GPAM: variants seen among roughly 807,000 people sequenced by gnomAD.
The protein encoded by GPAM is glycerol-3-phosphate acyltransferase, mitochondrial.
A neutral mutation model predicts 105.0 loss-of-function variants in GPAM; 56 were observed. The ratio of observed to expected loss-of-function variants is 0.53; its 90% CI spans 0.43 to 0.67. The LOEUF (loss-of-function observed/expected upper bound fraction) is 0.67. GPAM is among the 30% of genes least tolerant of loss of function. The pLI is 0.00. For missense variants in GPAM, 855 were observed against 989.8 expected (o/e 0.86, Z 1.83); for synonymous variants, 368 against 354.4 (o/e 1.04, Z -0.43).
intron 1 of GPAM, among the ~76,000 whole-genome samples, chr10:112,212,113 G>C (rs552749730): frequency 6.6e-6 from 1 of 152,302 alleles, no homozygotes; most frequent in South Asian, 2.1e-4. Context: ...GGTCAGAAAA[G>C]ATGTTAGGTC....
chr10:112,215,620 G>A (rs1436311181), upstream of GPAM, among the ~76,000 whole-genome samples: 2 of 148,896 alleles, frequency 1.3e-5, no homozygotes, highest in Non-Finnish European at 1.5e-5. Flanking sequence ...GTAAAGCTCT[G>A]AGCTCAGTAA....
intron 12 of GPAM, among the ~76,000 whole-genome samples, chr10:112,165,860 A>G (rs184304425): frequency 1.1e-4 from 17 of 152,080 alleles, no homozygotes; most frequent in African/African-American, 3.9e-4. Context: ...CCATCTCAAA[A>G]TTTTTTTGAC....
upstream of GPAM, among the ~76,000 whole-genome samples, chr10:112,218,321 G>A (rs1847990674): frequency 6.6e-6 from 1 of 152,176 alleles, no homozygotes; most frequent in African/African-American, 2.4e-5. Flanking sequence ...AGGGGAAGAT[G>A]GCTACAAAGG....
chr10:112,188,915 A>G (rs1169600843), intron 1 of GPAM, among the ~76,000 whole-genome samples: 3 of 152,184 alleles, frequency 2.0e-5, no homozygotes, highest in African/African-American at 7.2e-5. Flanking sequence ...CCTTTCTCAT[A>G]CTAAACCTCA....
chr10:112,200,242 T>G (rs7085045), intron 1 of GPAM, among the ~76,000 whole-genome samples: 8,700 of 126,852 alleles, frequency 0.069, 384 homozygotes, highest in Non-Finnish European at 0.088. Flanking sequence ...TATATATATA[T>G]ATAGAGAGAG....
chr10:112,190,915 A>T (rs1258125168), intron 1 of GPAM, among the ~76,000 whole-genome samples: 1 of 152,094 alleles, frequency 6.6e-6, no homozygotes, highest in Non-Finnish European at 1.5e-5. Flanking sequence ...GTCCCAAGCG[A>T]TTGCTCCCAA....
chr10:112,163,709 A>G lies in GPAM; in HGVS notation c.1415T>C (p.Ile472Thr). The change falls in exon 14 of 22, where the codon ATT (isoleucine) becomes ACT (threonine). Residue 472 changes from isoleucine (I) to threonine (T), a missense_variant. Physicochemically the swap from Ile to Thr is moderately conservative, Grantham distance 89. Coordinates refer to ENST00000348367, the MANE Select transcript of GPAM (RefSeq NM_001244949.2). ...RRLIANLAEH[I>T]LFTASKSCAI... ...TCTGGTATTCTACTTACTGAATAGA[A>G]TATGCTCAGCCAGATTTGCAATCAA... 6.8e-7 allele frequency: 1 copy of G among 1,459,978 alleles called. No homozygotes were observed. The highest frequency in any genetic ancestry group is 1.1e-5 in the South Asian group (1 of 87,914). The allele number at this position is 1,459,978 out of a possible 1,614,324, so 90.4% of individuals were successfully genotyped here.
At chr10:112,197,302 G>T (rs562954605) in intron 1 of GPAM, among the ~76,000 whole-genome samples, 134 of 152,216 alleles carry the variant, frequency 8.8e-4, no homozygotes, top group African/African-American at 2.9e-3. Flanking sequence ...GAATTTTTTT[G>T]ATTGTGCTAA....
intron 1 of GPAM, among the ~76,000 whole-genome samples, chr10:112,211,590 G>A (rs575728399): frequency 6.6e-6 from 1 of 152,278 alleles, no homozygotes; most frequent in Non-Finnish European, 1.5e-5. Flanking sequence ...CTATTTGTTT[G>A]TGTGATTTTT....
chr10:112,157,297 T>C lies in GPAM; in HGVS notation c.2073A>G (p.Glu691=). ...PEPLSWRSDE[E]DEDSDFGEEQ... ...CCTCCCCAAAGTCACTGTCTTCATC[T>C]TCTTCATCACTTCTCCAAGACAAAG... Residue 691 remains glutamate, a synonymous_variant, in exon 19 of 22, where the codon GAA becomes GAG. Transcript: ENST00000348367. 1 of 1,613,824 alleles carries C rather than the reference T, an allele frequency of 6.2e-7. No homozygotes were observed.
chr10:112,225,849 C>T, the GPAM span, among the ~76,000 whole-genome samples: 9 of 152,110 alleles, frequency 5.9e-5, no homozygotes, highest in East Asian at 3.8e-4. Context: ...TTGCTCGCTG[C>T]GGTGTTCCCT....
chr10:112,159,339 G>A (rs1847080553), intron 17 of GPAM, among the ~76,000 whole-genome samples: 1 of 148,848 alleles, frequency 6.7e-6, no homozygotes, highest in South Asian at 2.2e-4. Flanking sequence ...TCCTGCCTCA[G>A]CCTCCAAAGT....
intron 9 of GPAM, among the ~76,000 whole-genome samples, chr10:112,169,196 G>C (rs1344011125): frequency 6.6e-6 from 1 of 152,094 alleles, no homozygotes; most frequent in East Asian, 1.9e-4. Flanking sequence ...TCTGTTCCAA[G>C]CCAAAAGGAG....
chr10:112,167,323 G>A (rs2133244474), intron 11 of GPAM, among the ~76,000 whole-genome samples: 1 of 152,194 alleles, frequency 6.6e-6, no homozygotes. Flanking sequence ...TGGTAAGCTG[G>A]TAAAACCATT....
intron 1 of GPAM, among the ~76,000 whole-genome samples, chr10:112,197,767 T>C (rs1847742857): frequency 6.6e-6 from 1 of 151,468 alleles, no homozygotes; most frequent in South Asian, 2.1e-4. Context: ...GATAGTTTAC[T>C]GAGAATGATG....
intron 19 of GPAM, 42 bp from the exon 20 acceptor site, chr10:112,156,095 CAA>C: frequency 7.3e-7 from 1 of 1,375,732 alleles, no homozygotes; most frequent in East Asian, 2.3e-5. Flanking sequence ...GAGGAAGGGA[CAA>C]GAGACACAAG....
intron 11 of GPAM, 38 bp downstream of exon 11, chr10:112,168,274 T>C (rs779209494): frequency 8.6e-7 from 1 of 1,167,504 alleles, no homozygotes; most frequent in Admixed American, 1.7e-5. Context: ...TCTAAAAGAC[T>C]TGATAAGCAA....
chr10:112,167,772 T>C (rs901841569), intron 11 of GPAM, among the ~76,000 whole-genome samples: 9 of 152,236 alleles, frequency 5.9e-5, no homozygotes, highest in Non-Finnish European at 8.8e-5. Context: ...ATCTGGGTGC[T>C]AGTTGCATAG....
At chr10:112,217,532 A>G (rs1403939114), upstream of GPAM, among the ~76,000 whole-genome samples, 1 of 152,034 alleles carries the variant, frequency 6.6e-6, no homozygotes, top group Non-Finnish European at 1.5e-5. Flanking sequence ...ACAACCTCAT[A>G]GCAGGGAAAC....
Sources: allele counts gnomAD v4.1 joint callset (sites outside exome capture counted in the v4.1 genomes callset), GRCh38; gene constraint gnomAD v4.1.1; transcripts MANE v1.5; gene names NCBI Gene and HGNC (gene_info 2026-07-23, HGNC 2026-07-21).